Variants in TDRD7 observed in about 807,000 individuals in gnomAD.
TDRD7 encodes tudor domain containing 7.
In TDRD7, 47 loss-of-function variants were observed where a neutral mutation model predicts 109.8. The ratio of observed to expected loss-of-function variants is 0.43; its 90% CI spans 0.34 to 0.55. The LOEUF (loss-of-function observed/expected upper bound fraction) is 0.55. TDRD7 is among the 20% of genes least tolerant of loss of function. The pLI, the probability that TDRD7 is intolerant of heterozygous loss-of-function variation, is 0.03. For synonymous variants in TDRD7, 424 were observed against 457.3 expected (o/e 0.93, Z 0.93); for missense variants, 1,164 against 1,319.2 (o/e 0.88, Z 1.82).
Position 97,460,679 on chromosome 9 carries a change from A to T in TDRD7, c.1357A>T (p.Thr453Ser). 2 of 1,614,042 alleles carry T rather than the reference A, an allele frequency of 1.2e-6. No homozygotes were observed. The highest frequency in any genetic ancestry group is 1.7e-6 in the Non-Finnish European group (2 of 1,179,894). The stretch of plus-strand genomic sequence containing the variant: ...TGCTAATACCTTTATGGAGGACATA[A>T]CAGTTCCTCCTTTAATGATTCCAAC... Reference protein sequence around the residue: ...ESANTFMEDITVPPLMIPTEA... With the variant: ...ESANTFMEDISVPPLMIPTEA... Residue 453 changes from threonine (T) to serine (S), a missense_variant, in exon 7 of 17, where the codon ACA (threonine) becomes TCA (serine). Physicochemically the swap from Thr to Ser is moderately conservative, Grantham distance 58 (BLOSUM62 1). Transcript: ENST00000355295.
At chr9:97,438,938 G>T (rs937628523) in intron 4 of TDRD7, among the ~76,000 whole-genome samples, 1 of 151,820 alleles carries the variant, frequency 6.6e-6, no homozygotes, top group Admixed American at 6.6e-5. Context: ...TTTTTGCATG[G>T]TCTTCTTTAT....
rs1829137779 is a variant in TDRD7 at position 97,482,835 on chromosome 9, T to C, written c.2413-14T>C. 6.2e-7 allele frequency: 1 copy of C among 1,613,192 alleles called. No homozygotes were observed. Among genetic ancestry groups the C allele is most frequent in the African/African-American group, 1.3e-5 (1 of 75,014 alleles). On this transcript the variant is annotated splice_polypyrimidine_tract_variant and intron_variant, in intron 14 of 16. Transcript: ENST00000355295. ...AACTTGTATTTCTTATATCATTTTT[T>C]GTGTTTTCCAAAGGTTACAAAAGTG...
chr9:97,452,787 A>G (rs558230608), intron 6 of TDRD7, among the ~76,000 whole-genome samples: 7 of 152,258 alleles, frequency 4.6e-5, no homozygotes, highest in African/African-American at 1.7e-4. Context: ...AAAAAATGGG[A>G]ATTCTGCTCT....
At chr9:97,427,748 C>T (rs1292234386) in intron 1 of TDRD7, among the ~76,000 whole-genome samples, 2 of 152,166 alleles carry the variant, frequency 1.3e-5, no homozygotes, top group African/African-American at 4.8e-5. Flanking sequence ...CTAATTACCT[C>T]TCAAATTGAT....
rs190600132 is a variant in TDRD7, at chr9:97,416,196, T to C, written c.-7+3958T>C. 8.5e-4 allele frequency among the ~76,000 whole-genome samples: 130 copies of C among 152,328 alleles called. 1 individual carries two copies. The highest frequency in any genetic ancestry group is 2.9e-3 in the African/African-American group (119 of 41,560). ...AAAGTTGTTTGCAAATAGAGAGTTATAGTCCTCCATGAAAGATAGCATACT... is the reference window on the plus strand; with the variant it reads ...AAAGTTGTTTGCAAATAGAGAGTTACAGTCCTCCATGAAAGATAGCATACT... On this transcript the variant is annotated intron_variant, in intron 1 of 16. Coordinates refer to ENST00000355295, the MANE Select transcript of TDRD7 (RefSeq NM_014290.3).
Position 97,432,039 on chromosome 9 carries a change from A to G in TDRD7, c.364A>G (p.Thr122Ala), listed in dbSNP as rs938604112. ...PFFLEGKPKA[T>A]LRQPGFASNF... The stretch of plus-strand genomic sequence containing the variant: ...TAACTTCATAGGAAAACCAAAAGCA[A>G]CCCTCAGACAACCAGGATTTGCTTC... Residue 122 changes from threonine to alanine, a missense_variant, in exon 4 of 17, where the codon ACC becomes GCC. This residue lies in a region of TDRD7 where 101 missense variants were observed against 148.5 expected (regional missense o/e 0.68). Transcript: ENST00000355295. The G allele has an allele frequency of 4.3e-6, 7 of 1,613,604 alleles. No individual in the cohort carries two copies. Among genetic ancestry groups the G allele is most frequent in the Non-Finnish European group, 5.9e-6 (7 of 1,179,750 alleles).
At chr9:97,451,122 C>A (rs1343259017) in intron 6 of TDRD7, among the ~76,000 whole-genome samples, 2 of 152,038 alleles carry the variant, frequency 1.3e-5, no homozygotes, top group Non-Finnish European at 2.9e-5. Flanking sequence ...CCCTAAAAAC[C>A]CAAAGCAGGA....
chr9:97,483,802 A>G (rs925577165), intron 15 of TDRD7, among the ~76,000 whole-genome samples: 6 of 152,296 alleles, frequency 3.9e-5, no homozygotes, highest in Admixed American at 6.5e-5. Flanking sequence ...TATAGTTGGT[A>G]TATTATTAGT....
chr9:97,475,277 C>CAGT, intron 11 of TDRD7, 106 bp from the exon 12 acceptor site: 1 of 850,116 alleles, frequency 1.2e-6, no homozygotes, highest in Non-Finnish European at 2.0e-6. Flanking sequence ...AGTCTGACTA[C>CAGT]ATGTCGGTTA....
chr9:97,461,200 A>C (rs1007009779), intron 7 of TDRD7, among the ~76,000 whole-genome samples: 1 of 152,140 alleles, frequency 6.6e-6, no homozygotes. Flanking sequence ...AGGCTTAATA[A>C]TGTATTAATA....
intron 6 of TDRD7, among the ~76,000 whole-genome samples, chr9:97,459,116 T>C (rs1003938845): frequency 6.6e-6 from 1 of 152,192 alleles, no homozygotes; most frequent in Admixed American, 6.5e-5. Context: ...AATGGTCTCG[T>C]ACAGGGTTCA....
chr9:97,481,356 TATA>T (rs1829111580), intron 14 of TDRD7, among the ~76,000 whole-genome samples: 1 of 152,242 alleles, frequency 6.6e-6, no homozygotes, highest in African/African-American at 2.4e-5. Context: ...ATCATTTATT[TATA>T]ATTGTGGTTC....
chr9:97,421,726 G>C (rs947319631), intron 1 of TDRD7, among the ~76,000 whole-genome samples: 2 of 151,376 alleles, frequency 1.3e-5, no homozygotes, highest in African/African-American at 2.4e-5. Flanking sequence ...GTGTGTGTGT[G>C]TGTGTGTGTG....
intron 6 of TDRD7, among the ~76,000 whole-genome samples, chr9:97,449,856 T>C (rs1828461874): frequency 6.6e-6 from 1 of 152,166 alleles, no homozygotes; most frequent in Non-Finnish European, 1.5e-5. Flanking sequence ...TCCAGGGATT[T>C]TAGGAATTGT....
intron 6 of TDRD7, 23 bp downstream of exon 6, chr9:97,441,898 C>A: frequency 6.3e-7 from 1 of 1,587,990 alleles, no homozygotes; most frequent in Non-Finnish European, 8.6e-7. Context: ...TTATTCCTCC[C>A]TTCTGATACC....
chr9:97,428,755 A>G (rs1828050520), intron 2 of TDRD7, 83 bp downstream of exon 2: 1 of 1,303,818 alleles, frequency 7.7e-7, no homozygotes, highest in South Asian at 1.2e-5. Flanking sequence ...TACCTGTGAT[A>G]GACGTCTAAG....
rs2118368766 is a variant in TDRD7, at chr9:97,441,941, T to C, written c.855+66T>C. On this transcript the variant is annotated intron_variant, in intron 6 of 16. Coordinates refer to ENST00000355295, the MANE Select transcript of TDRD7 (RefSeq NM_014290.3). Reference sequence around the variant, plus strand: ...TGCCCAACTTTGAGATCTTGAGTTATTAGTCATATCACCTTTTATCCCCAG... The same window carrying C: ...TGCCCAACTTTGAGATCTTGAGTTACTAGTCATATCACCTTTTATCCCCAG... 3 of 1,327,866 alleles carry C rather than the reference T, an allele frequency of 2.3e-6. No individual in the cohort carries two copies. In the Admixed American group the frequency reaches 5.0e-5, roughly 22 times the overall value. 82.3% of individuals were successfully genotyped at this position (1,327,866 alleles called of 1,614,324 possible).
rs201253435 is a variant in TDRD7 at position 97,473,633 on chromosome 9, C to T, written c.2079+7C>T. The T allele has an allele frequency of 3.3e-4, 536 of 1,613,576 alleles. No individual in the cohort carries two copies. The highest frequency in any genetic ancestry group is 1.7e-3 in the Admixed American group (99 of 59,974). ...GGACTACTTCCATTGCAAGGTATAG[C>T]AGAACCTCTTCTACCTCTAAAATTA... On this transcript the variant is annotated splice_region_variant and intron_variant, in intron 11 of 16. Coordinates refer to ENST00000355295, the MANE Select transcript of TDRD7 (RefSeq NM_014290.3).
chr9:97,431,193 CA>C (rs1828098731), intron 3 of TDRD7, 119 bp downstream of exon 3: 1 of 1,442,684 alleles, frequency 6.9e-7, no homozygotes, highest in Non-Finnish European at 9.7e-7. Context: ...ATACATATGT[CA>C]GGGGAAAGAT....
Sources: gnomAD v4.1 joint callset for allele counts (sites outside exome capture counted in the v4.1 genomes callset) on GRCh38, gnomAD v4.1.1 for gene constraint, gnomAD v4.1.1 regional missense constraint, MANE v1.5 for transcripts, NCBI Gene and HGNC (gene_info 2026-07-23, HGNC 2026-07-21) for gene names.